The following MIPEP variants were observed in gnomAD, a reference collection of about 807,000 sequenced individuals.
MIPEP encodes the protein mitochondrial intermediate peptidase.
In MIPEP, 79 loss-of-function variants were observed where a neutral mutation model predicts 90.3. That is an observed-to-expected ratio of 0.87 (90% CI 0.73 to 1.05). The LOEUF is 1.05. MIPEP is among the 50% of genes least tolerant of loss of function. MIPEP has a pLI of 0.00. For missense variants in MIPEP, 940 were observed against 905.6 expected (o/e 1.04, Z -0.49); for synonymous variants, 334 against 315.8 (o/e 1.06, Z -0.61).
chr13:23,759,997 G>GT (rs1232258172), intron 17 of MIPEP, 99 bp downstream of exon 17: 4 of 1,482,254 alleles, frequency 2.7e-6, no homozygotes, highest in Non-Finnish European at 3.7e-6. Flanking sequence ...GTTTGGCTGT[G>GT]TTATGTGGGC....
At chr13:23,782,799 A>G (rs1952794666) in intron 16 of MIPEP, among the ~76,000 whole-genome samples, 1 of 152,240 alleles carries the variant, frequency 6.6e-6, no homozygotes. Flanking sequence ...ACAGAAATAC[A>G]AACTACCATC....
chr13:23,874,659 T>A (rs968438359), intron 5 of MIPEP, among the ~76,000 whole-genome samples, 187 bp downstream of exon 5: 15 of 152,228 alleles, frequency 9.9e-5, no homozygotes, highest in African/African-American at 3.6e-4. Flanking sequence ...CATGGTGTGA[T>A]AGGTCAACTT....
intron 17 of MIPEP, 102 bp from the exon 18 acceptor site, chr13:23,756,720 A>C: frequency 8.9e-7 from 1 of 1,122,202 alleles, no homozygotes; most frequent in Non-Finnish European, 1.3e-6. Context: ...TATTCATAAA[A>C]GCTGCCACCA....
At chr13:23,764,331 G>A (rs1176418359) in intron 16 of MIPEP, among the ~76,000 whole-genome samples, 2 of 152,130 alleles carry the variant, frequency 1.3e-5, no homozygotes, top group South Asian at 2.1e-4. Context: ...ATGGTCACTT[G>A]CTTTAGAACT....
At chr13:23,812,449 G>A (rs1953184784) in intron 14 of MIPEP, among the ~76,000 whole-genome samples, 1 of 149,990 alleles carries the variant, frequency 6.7e-6, no homozygotes, top group Non-Finnish European at 1.5e-5. Flanking sequence ...CCGGGAAGCT[G>A]AGCCACGCTG....
At chr13:23,874,988 A>T (rs924303398) in intron 4 of MIPEP, 79 bp from the exon 5 acceptor site, 1 of 1,278,800 alleles carries the variant, frequency 7.8e-7, no homozygotes, top group Non-Finnish European at 1.1e-6. Context: ...TGTTAAATAA[A>T]TAAGTCTTTT....
At chr13:23,843,143 G>A (rs1181967208) in intron 10 of MIPEP, among the ~76,000 whole-genome samples, 3 of 151,744 alleles carry the variant, frequency 2.0e-5, no homozygotes, top group Non-Finnish European at 4.4e-5. Flanking sequence ...GCAAGGCAGG[G>A]CTGGGATGAG....
At chr13:23,747,654 G>T (rs568582235) in intron 18 of MIPEP, 1 of 416,136 alleles carries the variant, frequency 2.4e-6, no homozygotes, top group South Asian at 1.7e-5. Flanking sequence ...TATTTAGCCT[G>T]TAAAATATCC....
chr13:23,844,388 A>G (rs538068506), intron 10 of MIPEP, among the ~76,000 whole-genome samples: 1 of 152,282 alleles, frequency 6.6e-6, no homozygotes, highest in South Asian at 2.1e-4. Flanking sequence ...ACAAGCAGGA[A>G]GCTGAACAAG....
chr13:23,793,318 T>A (rs1236139664), intron 16 of MIPEP, among the ~76,000 whole-genome samples: 1 of 152,152 alleles, frequency 6.6e-6, no homozygotes, highest in East Asian at 1.9e-4. Context: ...ATAAAAGTCA[T>A]TAGACACAAA....
chr13:23,778,493 C>T (rs1041297661), intron 16 of MIPEP, among the ~76,000 whole-genome samples: 8 of 152,116 alleles, frequency 5.3e-5, no homozygotes, highest in Admixed American at 5.2e-4. Context: ...CCCCTGGTGG[C>T]CTGGCCAATG....
chr13:23,754,844 T>C (rs148903361), intron 18 of MIPEP, among the ~76,000 whole-genome samples: 4 of 152,298 alleles, frequency 2.6e-5, no homozygotes, highest in Non-Finnish European at 5.9e-5. Flanking sequence ...AATCAGTAGC[T>C]TATTATGATG....
At chr13:23,822,061 C>T (rs1953312583) in intron 14 of MIPEP, among the ~76,000 whole-genome samples, 1 of 152,100 alleles carries the variant, frequency 6.6e-6, no homozygotes, top group Non-Finnish European at 1.5e-5. Context: ...AAAGCAATTA[C>T]CCTAACAATA....
intron 16 of MIPEP, among the ~76,000 whole-genome samples, chr13:23,794,419 T>TA (rs1952934642): frequency 6.6e-6 from 1 of 152,180 alleles, no homozygotes; most frequent in Non-Finnish European, 1.5e-5. Flanking sequence ...CTGTTGGTGA[T>TA]AAGGCATAAA....
At chr13:23,860,758 T>A (rs1870258240) in intron 9 of MIPEP, among the ~76,000 whole-genome samples, 1 of 152,208 alleles carries the variant, frequency 6.6e-6, no homozygotes, top group African/African-American at 2.4e-5. Context: ...CTAAACTGTC[T>A]GAATCCAAGA....
chr13:23,786,960 AT>A (rs1952848817), intron 16 of MIPEP, among the ~76,000 whole-genome samples: 1 of 152,184 alleles, frequency 6.6e-6, no homozygotes, highest in South Asian at 2.1e-4. Context: ...CTGGGGCAAG[AT>A]TTCAGAGCAA....
chr13:23,849,072 C>T (rs1266215945), intron 10 of MIPEP, among the ~76,000 whole-genome samples: 1 of 152,218 alleles, frequency 6.6e-6, no homozygotes, highest in African/African-American at 2.4e-5. Context: ...TGGGTGGTCA[C>T]AGGCCCCAGT....
intron 16 of MIPEP, among the ~76,000 whole-genome samples, chr13:23,784,433 A>G (rs553189036): frequency 1.2e-4 from 18 of 152,344 alleles, no homozygotes; most frequent in African/African-American, 3.4e-4. Flanking sequence ...CTGGCTAGCC[A>G]TATGTAGAAA....
At chr13:23,818,143 A>G (rs7318360) in intron 14 of MIPEP, among the ~76,000 whole-genome samples, 55,753 of 151,980 alleles carry the variant, frequency 0.37, 11,166 homozygotes, top group African/African-American at 0.54. Context: ...TTGGCTAGGC[A>G]CGTTGGTTCA....
Sources: gnomAD v4.1 joint callset for allele counts (sites outside exome capture counted in the v4.1 genomes callset) on GRCh38, gnomAD v4.1.1 for gene constraint, MANE v1.5 for transcripts, NCBI Gene and HGNC (gene_info 2026-07-23, HGNC 2026-07-21) for gene names.